Variants in OR3A2 observed in about 807,000 individuals in gnomAD.
OR3A2 encodes the protein olfactory receptor 3A2.
For missense variants in OR3A2, 318 were observed against 392.8 expected (o/e 0.81, Z 1.61); for synonymous variants, 126 against 159.3 (o/e 0.79, Z 1.57).
At chr17:3,292,446 A>C in intron 3 of OR3A2, 1 of 1,613,734 alleles carries the variant, frequency 6.2e-7, no homozygotes, top group African/African-American at 1.3e-5. Context: ...CAGGATGCTG[A>C]GGTTGCCCCT....
chr17:3,341,092 G>C (rs2049314054), intron 2 of OR3A2, among the ~76,000 whole-genome samples: 1 of 152,070 alleles, frequency 6.6e-6, no homozygotes, highest in Non-Finnish European at 1.5e-5. Flanking sequence ...TGCAACCCCT[G>C]CTTGTTTTTT....
intron 3 of OR3A2, among the ~76,000 whole-genome samples, chr17:3,303,856 C>T (rs2048983023): frequency 6.7e-6 from 1 of 150,294 alleles, no homozygotes. Context: ...CATGGCACTG[C>T]ACTCCAGCCT....
At chr17:3,364,723 C>G (rs1464611079) in intron 2 of OR3A2, among the ~76,000 whole-genome samples, 1 of 152,158 alleles carries the variant, frequency 6.6e-6, no homozygotes, top group Non-Finnish European at 1.5e-5. Context: ...CCATATGATC[C>G]AGCAATCTCA....
chr17:3,339,935 T>G (rs1191327221), intron 2 of OR3A2, among the ~76,000 whole-genome samples: 1 of 152,214 alleles, frequency 6.6e-6, no homozygotes, highest in Non-Finnish European at 1.5e-5. Flanking sequence ...TATTAATTAT[T>G]GCCTCAATTT....
intron 2 of OR3A2, among the ~76,000 whole-genome samples, chr17:3,343,529 T>G (rs1042532076): frequency 6.6e-6 from 1 of 152,238 alleles, no homozygotes; most frequent in African/African-American, 2.4e-5. Context: ...TGCTTTCACT[T>G]ACTGCCATGC....
intron 3 of OR3A2, among the ~76,000 whole-genome samples, chr17:3,319,407 G>A (rs1403641989): frequency 1.3e-5 from 2 of 151,258 alleles, no homozygotes; most frequent in Admixed American, 6.6e-5. Flanking sequence ...TTAAGTTTTA[G>A]GGTACATGTG....
chr17:3,379,583 T>C (rs985300014), intron 2 of OR3A2, among the ~76,000 whole-genome samples: 11 of 152,094 alleles, frequency 7.2e-5, no homozygotes, highest in African/African-American at 2.7e-4. Context: ...ACCTCAGAGG[T>C]TGAGGCAGGC....
At chr17:3,312,592 G>T (rs1051959929) in intron 3 of OR3A2, among the ~76,000 whole-genome samples, 6 of 152,148 alleles carry the variant, frequency 3.9e-5, no homozygotes, top group Non-Finnish European at 7.3e-5. Flanking sequence ...ATCACTGTAT[G>T]TTCCCTGAGA....
intron 3 of OR3A2, among the ~76,000 whole-genome samples, chr17:3,302,340 A>G (rs1181577499): frequency 6.6e-6 from 1 of 152,228 alleles, no homozygotes; most frequent in Non-Finnish European, 1.5e-5. Context: ...CTGACTTCCA[A>G]CTATACTACA....
At chr17:3,280,802 T>C (rs2150616392) in intron 1 of OR3A2, among the ~76,000 whole-genome samples, 1 of 152,326 alleles carries the variant, frequency 6.6e-6, no homozygotes, top group East Asian at 1.9e-4. Flanking sequence ...TCAGAAATGC[T>C]GTAGCAGCAG....
At chr17:3,299,100 T>A (rs1013014264) in intron 3 of OR3A2, among the ~76,000 whole-genome samples, 2 of 152,200 alleles carry the variant, frequency 1.3e-5, no homozygotes, top group African/African-American at 2.4e-5. Context: ...ATCCCATTTA[T>A]CATACCACAC....
At position 3,344,876 on chromosome 17, in the gene OR3A2, A is replaced by G. The variant is rs367614554; in HGVS notation, c.-178-8750T>C. Among the ~76,000 whole-genome samples the G allele has an allele frequency of 5.3e-5, 8 of 152,234 alleles. No homozygotes were observed. The East Asian group carries it at 5.8e-4, about 11-fold the overall frequency. ...TGGAGGGAATGTTCCCTGTCTCCCA[A>G]AAGCCTGTAATGGGAAGAGCAGTAG... is the stretch of plus-strand genomic sequence containing the variant. On this transcript the variant is annotated intron_variant, in intron 2 of 4. Coordinates refer to the OR3A2 transcript ENST00000573491.
At chr17:3,384,901 A>G (rs576868685) in intron 1 of OR3A2, among the ~76,000 whole-genome samples, 1 of 152,136 alleles carries the variant, frequency 6.6e-6, no homozygotes, top group Admixed American at 6.5e-5. Flanking sequence ...CAAAAAAAAA[A>G]GCTTGTCTGG....
At chr17:3,332,474 C>G (rs1410569888) in intron 3 of OR3A2, among the ~76,000 whole-genome samples, 1 of 152,232 alleles carries the variant, frequency 6.6e-6, no homozygotes, top group Non-Finnish European at 1.5e-5. Flanking sequence ...CCAGGTGCGT[C>G]CGTCACCCCT....
chr17:3,291,973 C>G, intron 3 of OR3A2: 4 of 1,614,152 alleles, frequency 2.5e-6, no homozygotes, highest in Non-Finnish European at 3.4e-6. Flanking sequence ...AAACCCACAG[C>G]AAAAAGCAGC....
intron 3 of OR3A2, among the ~76,000 whole-genome samples, chr17:3,325,759 A>T (rs2049166156): frequency 6.6e-6 from 1 of 152,022 alleles, no homozygotes; most frequent in African/African-American, 2.4e-5. Context: ...TACATGTAAA[A>T]TTTACCATCT....
chr17:3,287,588 T>C (rs969229110), upstream of OR3A2, among the ~76,000 whole-genome samples: 72 of 152,248 alleles, frequency 4.7e-4, no homozygotes, highest in African/African-American at 1.7e-3. Flanking sequence ...TTCTTTTCTC[T>C]GGAGAATGTG....
chr17:3,328,540 AC>A (rs2049197316), intron 3 of OR3A2, among the ~76,000 whole-genome samples: 1 of 141,788 alleles, frequency 7.1e-6, no homozygotes, highest in Non-Finnish European at 1.5e-5. Context: ...CTAATTGAAT[AC>A]CCTTTATTTC....
intron 3 of OR3A2, among the ~76,000 whole-genome samples, chr17:3,323,506 T>C (rs571869898): frequency 3.3e-5 from 5 of 152,244 alleles, no homozygotes; most frequent in Non-Finnish European, 5.9e-5. Context: ...CGGTTGTTCC[T>C]TTCCATGTTT....
Sources: allele counts gnomAD v4.1 joint callset (sites outside exome capture counted in the v4.1 genomes callset), GRCh38; gene constraint gnomAD v4.1.1; transcripts MANE v1.5; gene names NCBI Gene and HGNC (gene_info 2026-07-23, HGNC 2026-07-21).